The following ZC3H14 variants were observed in gnomAD, a reference collection of about 807,000 sequenced individuals.
The protein encoded by ZC3H14 is zinc finger CCCH domain-containing protein 14.
A neutral mutation model predicts 92.4 loss-of-function variants in ZC3H14; 31 were observed. That is an observed-to-expected ratio of 0.34 (90% CI 0.25 to 0.45). ZC3H14 has a LOEUF of 0.45. ZC3H14 is among the 20% of genes least tolerant of loss of function. The pLI is 1.00. For synonymous variants in ZC3H14, 321 were observed against 300.9 expected (o/e 1.07, Z -0.69); for missense variants, 781 against 897.3 (o/e 0.87, Z 1.66).
chr14:88,578,454 A>G (rs1470043548), intron 9 of ZC3H14, among the ~76,000 whole-genome samples: 1 of 152,162 alleles, frequency 6.6e-6, no homozygotes, highest in African/African-American at 2.4e-5. Context: ...CCCTTTCTAG[A>G]AATTTTTGAA....
intron 9 of ZC3H14, among the ~76,000 whole-genome samples, chr14:88,583,059 A>G (rs2082090181): frequency 6.9e-6 from 1 of 144,114 alleles, no homozygotes; most frequent in South Asian, 2.2e-4. Flanking sequence ...AGACTTAACA[A>G]CATTATTCTG....
intron 2 of ZC3H14, 150 bp downstream of exon 2, chr14:88,563,843 A>T: frequency 1.3e-6 from 1 of 791,782 alleles, no homozygotes; most frequent in Non-Finnish European, 2.1e-6. Flanking sequence ...TTACTTCTTT[A>T]TCATCTTTTT....
At chr14:88,602,675 A>C (rs1359521741) in intron 11 of ZC3H14, among the ~76,000 whole-genome samples, 153 bp from the exon 12 acceptor site, 1 of 152,146 alleles carries the variant, frequency 6.6e-6, no homozygotes, top group Non-Finnish European at 1.5e-5. Context: ...CAGAGAACCC[A>C]CCAGTGCTGC....
Position 88,622,126 on chromosome 14 carries a change from A to C in ZC3H14, c.*10375A>C. ...TTTCTGCACAGGAGTGAGAACATGT[A>C]TTTATCTTTCTGTGCCTGGCTTATT... is the stretch of plus-strand genomic sequence containing the variant. On this transcript the variant is annotated 3_prime_UTR_variant, in exon 17 of 17. Coordinates refer to ENST00000251038, the MANE Select transcript of ZC3H14 (RefSeq NM_024824.5). 1 of 200,732 alleles carries C rather than the reference A, an allele frequency of 5.0e-6. No homozygotes were observed. The highest frequency in any genetic ancestry group is 8.9e-5 in the South Asian group (1 of 11,210). The allele number at this position is 200,732 out of a possible 1,614,324, so 12.4% of individuals were successfully genotyped here. A position where few individuals can be genotyped will look rare whatever the true frequency, so the allele number is the denominator to read the frequency against.
At chr14:88,581,785 C>T (rs1215902921) in intron 9 of ZC3H14, among the ~76,000 whole-genome samples, 1 of 152,082 alleles carries the variant, frequency 6.6e-6, no homozygotes, top group Non-Finnish European at 1.5e-5. Context: ...GTGTAAATAT[C>T]GCGGTGAATT....
chr14:88,614,778 A>G lies in ZC3H14; in HGVS notation c.*3027A>G, dbSNP rs1265674932. The G allele has an allele frequency of 2.0e-5, 3 of 152,210 alleles. No individual in the cohort carries two copies. The East Asian group carries it at 5.8e-4, about 29-fold the overall frequency. The allele number at this position is 152,210 out of a possible 1,614,324, so 9.4% of individuals were successfully genotyped here. A position where few individuals can be genotyped will look rare whatever the true frequency, so the allele number is the denominator to read the frequency against. ...CTAATCCACTAAAAAAAGGAATTCT[A>G]ACTGACAAGTTTTTACAAATGGAGT... On this transcript the variant is annotated 3_prime_UTR_variant, in exon 17 of 17. Coordinates refer to ENST00000251038, the MANE Select transcript of ZC3H14 (RefSeq NM_024824.5).
chr14:88,565,445 C>G (rs1256179483), intron 2 of ZC3H14, among the ~76,000 whole-genome samples: 4 of 152,026 alleles, frequency 2.6e-5, no homozygotes, highest in African/African-American at 9.7e-5. Context: ...CCGGCCAACT[C>G]AATGGCGATA....
At chr14:88,563,329 T>C (rs1185075363) in intron 1 of ZC3H14, 160 bp downstream of exon 1, 17 of 1,493,526 alleles carry the variant, frequency 1.1e-5, no homozygotes, top group Non-Finnish European at 1.5e-5. Flanking sequence ...GCCTCGGCCC[T>C]GGGGACATTT....
chr14:88,596,927 A>G, intron 10 of ZC3H14, 119 bp downstream of exon 10: 1 of 838,980 alleles, frequency 1.2e-6, no homozygotes, highest in Non-Finnish European at 2.0e-6. Context: ...TTATATTTAG[A>G]TCTGTGAAAA....
chr14:88,572,077 G>T lies in ZC3H14; in HGVS notation c.283G>T (p.Val95Leu), dbSNP rs779832734. The T allele has an allele frequency of 2.5e-6, 4 of 1,614,042 alleles. No homozygotes were observed. The East Asian group carries it at 8.9e-5, about 36-fold the overall frequency. Residue 95 changes from valine (V) to leucine (L), a missense_variant, in exon 5 of 17, where the codon GTG becomes TTG. Val to Leu is a conservative substitution (Grantham distance 32). Around this residue, in one of 3 missense-constraint regions of ZC3H14, gnomAD observed 106 missense variants for 154.2 expected, o/e 0.69. Transcript: ENST00000251038. ...TGATACCAACATCTTTGATAGTAAC[G>T]TGCCTTCAAACAAGAGCAATTTCAG... ...SSDTNIFDSN[V>L]PSNKSNFSRG...
At chr14:88,610,789 T>C (rs756397214) in intron 15 of ZC3H14, 45 bp from the exon 16 acceptor site, 1 of 1,559,326 alleles carries the variant, frequency 6.4e-7, no homozygotes, top group South Asian at 1.1e-5. Flanking sequence ...TGTTTACTTA[T>C]ATTAGCCTTG....
At chr14:88,571,049 G>T in intron 3 of ZC3H14, 35 bp from the exon 4 acceptor site, 1 of 1,500,852 alleles carries the variant, frequency 6.7e-7, no homozygotes, top group Non-Finnish European at 9.0e-7. Context: ...TTTCTTAACA[G>T]AAGGTTTATT....
chr14:88,580,699 A>G (rs978383990), intron 9 of ZC3H14, among the ~76,000 whole-genome samples: 1 of 152,218 alleles, frequency 6.6e-6, no homozygotes, highest in Admixed American at 6.5e-5. Context: ...AAGTGAAAAC[A>G]TGTTTGAAAC....
Position 88,572,698 on chromosome 14 carries a change from A to C in ZC3H14, c.552A>C (p.Glu184Asp). 3 of 1,614,240 alleles carry C rather than the reference A, an allele frequency of 1.9e-6. 1 individual carries two copies. The South Asian group carries it at 3.3e-5, about 18-fold the overall frequency. The change falls in exon 6 of 17, where the codon GAA becomes GAC. Residue 184 changes from glutamate to aspartate, a missense_variant. This residue lies in a region of ZC3H14 where 454 missense variants were observed against 438.5 expected (regional missense o/e 1.04). Coordinates refer to ENST00000251038, the MANE Select transcript of ZC3H14 (RefSeq NM_024824.5). ...CAGAACCAGATGATCTCATTGACGA[A>C]GACCTCAACTTTGTGCAGGAGAATC... Reference protein sequence around the residue: ...IKPEPDDLIDEDLNFVQENPL... With the variant: ...IKPEPDDLIDDDLNFVQENPL...
intron 9 of ZC3H14, among the ~76,000 whole-genome samples, chr14:88,595,277 T>C (rs1294146202): frequency 6.6e-6 from 1 of 152,196 alleles, no homozygotes. Context: ...AGCTTAGCAA[T>C]CTAGAATTGA....
intron 2 of ZC3H14, among the ~76,000 whole-genome samples, chr14:88,566,786 G>A (rs2079685994): frequency 6.6e-6 from 1 of 152,058 alleles, no homozygotes; most frequent in Non-Finnish European, 1.5e-5. Context: ...TGGGTGTGGT[G>A]GCAGGTGCCT....
chr14:88,614,645 C>G lies in ZC3H14; in HGVS notation c.*2894C>G, dbSNP rs1262525021. 1 of 152,162 alleles carries G rather than the reference C, an allele frequency of 6.6e-6. No homozygotes were observed. The highest frequency in any genetic ancestry group is 1.5e-5 in the Non-Finnish European group (1 of 68,024). The allele number at this position is 152,162 out of a possible 1,614,324, so 9.4% of individuals were successfully genotyped here. A position where few individuals can be genotyped will look rare whatever the true frequency, so the allele number is the denominator to read the frequency against. ...TTTAAATAGCAGTCTACATAATTTT[C>G]AATCTTCAGGAAACTACAGATAGGC... is the stretch of plus-strand genomic sequence containing the variant. On this transcript the variant is annotated 3_prime_UTR_variant, in exon 17 of 17. Coordinates refer to ENST00000251038, the MANE Select transcript of ZC3H14 (RefSeq NM_024824.5).
chr14:88,600,441 C>CTT lies in ZC3H14; in HGVS notation c.1355-1470_1355-1469dup, dbSNP rs201793653. Among the ~76,000 whole-genome samples, 199 of 143,350 alleles carry CTT rather than the reference C, an allele frequency of 1.4e-3. 1 individual carries two copies. The highest frequency in any genetic ancestry group is 2.3e-3 in the East Asian group (11 of 4,866). The allele number at this position is 143,350 out of a possible 152,430, so 94.0% of individuals were successfully genotyped here. On this transcript the variant is annotated intron_variant, in intron 10 of 16. Transcript: ENST00000251038. ...AGGAACCTCTCTTGATTTCTTTTCT[C>CTT]TTTTTTTTTTTTTTGGTTTGAGATG... is the stretch of plus-strand genomic sequence containing the variant.
intron 10 of ZC3H14, among the ~76,000 whole-genome samples, chr14:88,600,946 T>G (rs781399919): frequency 6.6e-6 from 1 of 152,166 alleles, no homozygotes. Context: ...TGCGTTTTCC[T>G]CTGCCTGAAG....
Sources: allele counts gnomAD v4.1 joint callset (sites outside exome capture counted in the v4.1 genomes callset), GRCh38; gene constraint gnomAD v4.1.1; regional missense constraint gnomAD v4.1.1; transcripts MANE v1.5; gene names NCBI Gene and HGNC (gene_info 2026-07-23, HGNC 2026-07-21).